Variants in MID1 observed in about 807,000 individuals in gnomAD.
MID1 encodes the protein midline 1.
In MID1, 7 loss-of-function variants were observed where a neutral mutation model predicts 40.4. That is an observed-to-expected ratio of 0.17 (90% CI 0.10 to 0.33). The LOEUF is 0.33. MID1 is among the 10% of genes least tolerant of loss of function. MID1 has a pLI of 1.00. For missense variants in MID1, 367 were observed against 558.5 expected, an observed-to-expected ratio of 0.66 and a Z score of 3.46; for synonymous variants, 229 against 221.2, an observed-to-expected ratio of 1.04 and a Z score of -0.31.
intron 1 of MID1, among the ~76,000 whole-genome samples, chrX:10,692,320 G>A (rs1793006279): frequency 9.0e-6 from 1 of 111,122 alleles, no homozygotes; most frequent in South Asian, 3.9e-4. Flanking sequence ...TCTTCTCTTT[G>A]TACTCTTTCT....
chrX:10,660,909 C>A (rs1007736031), intron 1 of MID1, among the ~76,000 whole-genome samples: 2 of 111,763 alleles, frequency 1.8e-5, no homozygotes, highest in Non-Finnish European at 3.8e-5. Flanking sequence ...GAAAGCGACA[C>A]AGAGTTTTTA....
At chrX:10,691,912 C>T (rs1466721895) in intron 1 of MID1, among the ~76,000 whole-genome samples, 1 of 111,397 alleles carries the variant, frequency 9.0e-6, no homozygotes, top group Non-Finnish European at 1.9e-5. Flanking sequence ...CTATGAATGG[C>T]CGCTCTGGGA....
chrX:10,681,601 C>A (rs1363999958), intron 1 of MID1, among the ~76,000 whole-genome samples: 2 of 111,658 alleles, frequency 1.8e-5, no homozygotes, highest in Non-Finnish European at 3.8e-5. Context: ...CTTTTACAAT[C>A]TCTCTTGGAA....
intron 5 of MID1, among the ~76,000 whole-genome samples, chrX:10,478,757 C>T (rs1930150975): frequency 8.9e-6 from 1 of 112,084 alleles, no homozygotes; most frequent in African/African-American, 3.2e-5. Flanking sequence ...AGTTTTGATT[C>T]AGCTTGTAGG....
chrX:10,645,786 G>A (rs186835927), intron 1 of MID1, among the ~76,000 whole-genome samples: 12 of 111,735 alleles, frequency 1.1e-4, no homozygotes, highest in Non-Finnish European at 2.1e-4. Context: ...GTTGTACCAA[G>A]GACCTCTTGA....
intron 1 of MID1, among the ~76,000 whole-genome samples, chrX:10,769,733 A>G: frequency 8.9e-6 from 1 of 111,967 alleles, no homozygotes; most frequent in East Asian, 2.8e-4. Flanking sequence ...AATCAAGGCA[A>G]ATATCTGGAG....
intron 1 of MID1, among the ~76,000 whole-genome samples, chrX:10,703,692 C>T (rs2043207299): frequency 9.0e-6 from 1 of 111,679 alleles, no homozygotes; most frequent in Admixed American, 9.5e-5. Flanking sequence ...TATCTAAAGA[C>T]AGATTTTTAG....
chrX:10,481,030 C>G (rs987127349), intron 5 of MID1, among the ~76,000 whole-genome samples: 1 of 111,276 alleles, frequency 9.0e-6, no homozygotes, highest in African/African-American at 3.3e-5. Context: ...TATTTTTTTT[C>G]CTAGGCCAGG....
At chrX:10,457,676 C>T (rs1358234856) in intron 8 of MID1, among the ~76,000 whole-genome samples, 1 of 112,050 alleles carries the variant, frequency 8.9e-6, no homozygotes, top group African/African-American at 3.2e-5. Flanking sequence ...ACTCTTCAAT[C>T]TCTCCACCAA....
chrX:10,561,160 G>C (rs1934322856), intron 2 of MID1, among the ~76,000 whole-genome samples: 1 of 107,403 alleles, frequency 9.3e-6, no homozygotes, highest in Admixed American at 9.7e-5. Flanking sequence ...AAACTGGCTA[G>C]CCATATGCAG....
At chrX:10,625,064 T>G (rs1935981816), upstream of MID1, among the ~76,000 whole-genome samples, 1 of 112,123 alleles carries the variant, frequency 8.9e-6, no homozygotes, top group African/African-American at 3.2e-5. Context: ...GAAAATTATT[T>G]AAATTAATTA....
chrX:10,801,327 T>C (rs899311638), intron 1 of MID1, among the ~76,000 whole-genome samples: 1 of 112,198 alleles, frequency 8.9e-6, no homozygotes, highest in East Asian at 2.8e-4. Flanking sequence ...TCCATACTAA[T>C]AGAAATCACA....
chrX:10,829,401 T>C (rs1465576174), intron 1 of MID1, among the ~76,000 whole-genome samples: 1 of 112,025 alleles, frequency 8.9e-6, no homozygotes, highest in Non-Finnish European at 1.9e-5. Context: ...AGAGTGTGAG[T>C]ATACTCAACT....
intron 3 of MID1, among the ~76,000 whole-genome samples, chrX:10,503,578 A>G (rs1257619450): frequency 8.9e-6 from 1 of 112,864 alleles, no homozygotes; most frequent in Non-Finnish European, 1.9e-5. Context: ...ATCCTTTCAT[A>G]AAGTGCTTTT....
At chrX:10,673,294 C>T (rs1040465790) in intron 1 of MID1, among the ~76,000 whole-genome samples, 11 of 111,350 alleles carry the variant, frequency 9.9e-5, no homozygotes, top group Middle Eastern at 4.2e-3. Flanking sequence ...GTATAGAAAC[C>T]TAGATCTTTA....
chrX:10,764,214 T>C (rs964700701), intron 1 of MID1, among the ~76,000 whole-genome samples: 2 of 112,054 alleles, frequency 1.8e-5, no homozygotes, highest in African/African-American at 6.5e-5. Context: ...CCATTGCTTT[T>C]GGTGTTGTAG....
chrX:10,470,395 C>A, intron 6 of MID1, among the ~76,000 whole-genome samples: 1 of 111,898 alleles, frequency 8.9e-6, no homozygotes, highest in Admixed American at 9.5e-5. Context: ...GTTCACCAAC[C>A]CCTGACCTAT....
At chrX:10,749,465 A>C (rs1478065124) in intron 1 of MID1, among the ~76,000 whole-genome samples, 1 of 112,210 alleles carries the variant, frequency 8.9e-6, no homozygotes, top group Non-Finnish European at 1.9e-5. Flanking sequence ...GAGGGGCAGC[A>C]CTGTTAGGAA....
At chrX:10,465,258 C>CACACACACACACACAT (rs1929320008) in intron 7 of MID1, among the ~76,000 whole-genome samples, 1 of 96,474 alleles carries the variant, frequency 1.0e-5, no homozygotes, top group African/African-American at 3.9e-5. Flanking sequence ...CACACACACA[C>CACACACACACACACAT]ACATACATAT....
Sources: gnomAD v4.1 joint callset for allele counts (sites outside exome capture counted in the v4.1 genomes callset) on GRCh38, gnomAD v4.1.1 for gene constraint, MANE v1.5 for transcripts, NCBI Gene and HGNC (gene_info 2026-07-23, HGNC 2026-07-21) for gene names.